The following THOC7 variants were observed in gnomAD, a reference collection of about 807,000 sequenced individuals.
THOC7 encodes the protein THO complex subunit 7.
A neutral mutation model predicts 33.1 loss-of-function variants in THOC7; 22 were observed. That is an observed-to-expected ratio of 0.66 (90% CI 0.47 to 0.95). The LOEUF (loss-of-function observed/expected upper bound fraction) is 0.95, where lower values mean the gene tolerates loss of function less well. THOC7 is among the 40% of genes least tolerant of loss of function. THOC7 has a pLI of 0.00. For missense variants in THOC7, 184 were observed against 245.3 expected, an observed-to-expected ratio of 0.75 and a Z score of 1.67; for synonymous variants, 77 against 76.8, an observed-to-expected ratio of 1.00 and a Z score of -0.01.
intron 7 of THOC7, 101 bp downstream of exon 7, chr3:63,835,052 TG>T (rs1701601186): frequency 3.5e-6 from 4 of 1,139,464 alleles, no homozygotes; most frequent in Middle Eastern, 2.2e-4. Flanking sequence ...GTTCAGAAAT[TG>T]AAGGTATACT....
intron 1 of THOC7, chr3:63,861,381 G>T (rs1023062002): frequency 2.0e-5 from 3 of 152,132 alleles, no homozygotes; most frequent in Non-Finnish European, 2.9e-5. Flanking sequence ...AAAAACCTGG[G>T]ATCATCCTAA....
At chr3:63,852,875 G>A (rs937441318) in intron 1 of THOC7, among the ~76,000 whole-genome samples, 6 of 152,154 alleles carry the variant, frequency 3.9e-5, no homozygotes, top group African/African-American at 1.4e-4. Context: ...TCCTGGCTGG[G>A]CACGATGGCT....
chr3:63,863,667 C>A, intron 1 of THOC7, 105 bp downstream of exon 1: 1 of 1,228,704 alleles, frequency 8.1e-7, no homozygotes, highest in Non-Finnish European at 1.0e-6. Flanking sequence ...GCGAAGAGGC[C>A]GGGGAGGCCG....
intron 5 of THOC7, 107 bp from the exon 6 acceptor site, chr3:63,835,497 G>A: frequency 3.0e-6 from 3 of 988,728 alleles, no homozygotes; most frequent in South Asian, 3.2e-5. Context: ...TAAAAAAAGG[G>A]CTTATAAGGA....
chr3:63,858,757 G>A (rs764334050), intron 1 of THOC7, among the ~76,000 whole-genome samples: 13 of 152,214 alleles, frequency 8.5e-5, no homozygotes, highest in Admixed American at 2.6e-4. Flanking sequence ...AACAAGGGAA[G>A]GAGAGAAAAT....
chr3:63,864,423 G>C (rs1702339595), upstream of THOC7: 1 of 152,106 alleles, frequency 6.6e-6, no homozygotes, highest in African/African-American at 2.4e-5. Flanking sequence ...TGGCGCCCAC[G>C]CGCGCTGGGG....
intron 1 of THOC7, among the ~76,000 whole-genome samples, chr3:63,845,556 A>G (rs1701873823): frequency 6.6e-6 from 1 of 152,232 alleles, no homozygotes; most frequent in Non-Finnish European, 1.5e-5. Context: ...GGTTATTACC[A>G]TGAGGTGGAG....
intron 1 of THOC7, chr3:63,854,482 A>T (rs1702075716): frequency 6.6e-6 from 1 of 152,222 alleles, no homozygotes. Context: ...AAAACAGTAA[A>T]GATGGCTTAG....
intron 1 of THOC7, chr3:63,846,149 T>C (rs1575809359): frequency 2.3e-6 from 1 of 433,146 alleles, no homozygotes; most frequent in Non-Finnish European, 4.6e-6. Context: ...CTCTCTCTCT[T>C]TCTTTGCCTG....
intron 1 of THOC7, among the ~76,000 whole-genome samples, chr3:63,848,873 C>T (rs1701962575): frequency 6.6e-6 from 1 of 152,108 alleles, no homozygotes; most frequent in Admixed American, 6.6e-5. Context: ...TTTGGTAAAG[C>T]ATACTTTTAT....
At chr3:63,843,163 G>A (rs1407963253) in intron 1 of THOC7, among the ~76,000 whole-genome samples, 1 of 151,884 alleles carries the variant, frequency 6.6e-6, no homozygotes, top group Non-Finnish European at 1.5e-5. Context: ...CTTTCATCCA[G>A]GCTAGAGTAC....
At chr3:63,838,710 G>A (rs1015802594) in intron 2 of THOC7, among the ~76,000 whole-genome samples, 3 of 151,848 alleles carry the variant, frequency 2.0e-5, no homozygotes, top group African/African-American at 7.2e-5. Flanking sequence ...AAATGCAAAG[G>A]TGGGATTGTT....
Position 63,837,973 on chromosome 3 carries a change from TA to T in THOC7, c.352+2del, listed in dbSNP as rs1464370605. On this transcript the variant is annotated splice_donor_variant, in intron 4 of 7. Coordinates refer to ENST00000295899, the MANE Select transcript of THOC7 (RefSeq NM_025075.4). LOFTEE classifies it high-confidence loss of function. Reference sequence around the variant, plus strand: ...TGCACATTAAATCCCTCAAAACCCTTACCTTGGCGATTTTTTCGTATTCGTT... The same window carrying T: ...TGCACATTAAATCCCTCAAAACCCTTCCTTGGCGATTTTTTCGTATTCGTT... The T allele has an allele frequency of 6.2e-7, 1 of 1,607,112 alleles. No individual in the cohort carries two copies. The highest frequency in any genetic ancestry group is 1.7e-5 in the Admixed American group (1 of 58,242).
intron 4 of THOC7, among the ~76,000 whole-genome samples, chr3:63,837,280 C>T (rs1395777502): frequency 6.6e-6 from 1 of 151,940 alleles, no homozygotes. Flanking sequence ...TAACCATTAA[C>T]ATTTTCTATT....
At chr3:63,860,599 G>C (rs1301325278) in intron 1 of THOC7, 3 of 152,096 alleles carry the variant, frequency 2.0e-5, no homozygotes, top group African/African-American at 7.2e-5. Context: ...ACGAGGTCCT[G>C]CCTCTCAGAA....
In THOC7 at chr3:63,839,700, C is replaced by T. The variant is rs552560637; in HGVS notation, c.93G>A (p.Val31=). ...AGTTGCACCATTTAATGAAACTCTTCACTAGCAGATTAATTCTCCGATCAT... is the reference window on the plus strand; with the variant it reads ...AGTTGCACCATTTAATGAAACTCTTTACTAGCAGATTAATTCTCCGATCAT... ...AGDDRRINLL[V]KSFIKWCNSG... is the part of the protein sequence containing the mutation. The change falls in exon 2 of 8, where the codon GTG becomes GTA. Residue 31 remains valine (V), a synonymous_variant. Coordinates refer to ENST00000295899, the MANE Select transcript of THOC7 (RefSeq NM_025075.4). The T allele has an allele frequency of 2.5e-6, 4 of 1,612,676 alleles. No individual in the cohort carries two copies. In the South Asian group the frequency reaches 4.4e-5, roughly 18 times the overall value.
At chr3:63,847,990 G>T (rs73831995) in intron 1 of THOC7, among the ~76,000 whole-genome samples, 3 of 152,232 alleles carry the variant, frequency 2.0e-5, no homozygotes, top group African/African-American at 7.2e-5. Flanking sequence ...AGGCACAACT[G>T]ACCAGCATGA....
At chr3:63,863,595 C>T in intron 1 of THOC7, 177 bp downstream of exon 1, 1 of 1,197,246 alleles carries the variant, frequency 8.4e-7, no homozygotes, top group Non-Finnish European at 1.0e-6. Context: ...AGGAAGGACT[C>T]AGGGAAGCAG....
At chr3:63,853,437 G>A in intron 1 of THOC7, among the ~76,000 whole-genome samples, 1 of 152,162 alleles carries the variant, frequency 6.6e-6, no homozygotes, top group South Asian at 2.1e-4. Flanking sequence ...TGTTTACTGT[G>A]TGTGCATGTG....
Sources: allele counts gnomAD v4.1 joint callset (sites outside exome capture counted in the v4.1 genomes callset), GRCh38; gene constraint gnomAD v4.1.1; transcripts MANE v1.5; gene names NCBI Gene and HGNC (gene_info 2026-07-23, HGNC 2026-07-21).